The following MEGF6 variants were observed in gnomAD, a reference collection of about 807,000 sequenced individuals.
The protein encoded by MEGF6 is multiple epidermal growth factor-like domains protein 6.
A neutral mutation model predicts 207.1 loss-of-function variants in MEGF6; 184 were observed. The ratio of observed to expected loss-of-function variants is 0.89; its 90% CI spans 0.79 to 1.00. MEGF6 has a LOEUF of 1.00. Among genes scored for constraint, MEGF6 ranks in the 50% least tolerant of loss-of-function variants. The pLI, the probability that MEGF6 is intolerant of heterozygous loss-of-function variation, is 0.00. For synonymous variants in MEGF6, 1,038 were observed against 910.0 expected (o/e 1.14, Z -2.53); for missense variants, 2,282 against 2,202.9 (o/e 1.04, Z -0.72).
intron 21 of MEGF6, 27 bp from the exon 22 acceptor site, chr1:3,499,951 T>A: frequency 6.5e-7 from 1 of 1,538,132 alleles, no homozygotes; most frequent in Middle Eastern, 2.1e-4. Flanking sequence ...CGGCCCACAG[T>A]CAGCCAGAGG....
intron 17 of MEGF6, among the ~76,000 whole-genome samples, chr1:3,503,418 G>A (rs1047974166): frequency 1.3e-5 from 2 of 152,182 alleles, no homozygotes; most frequent in African/African-American, 2.4e-5. Context: ...GTCATCGCCT[G>A]TGGCTTATCC....
chr1:3,535,102 GC>G (rs980956345), intron 4 of MEGF6, among the ~76,000 whole-genome samples: 1 of 152,144 alleles, frequency 6.6e-6, no homozygotes, highest in African/African-American at 2.4e-5. Flanking sequence ...ATGGGCAGAG[GC>G]CTGAATGAGA....
chr1:3,572,183 G>C (rs1209457643), intron 4 of MEGF6, among the ~76,000 whole-genome samples: 2 of 145,322 alleles, frequency 1.4e-5, no homozygotes, highest in African/African-American at 5.2e-5. Context: ...GGGTGTGCTG[G>C]GTCCTCCTGG....
rs1053164549 is a variant in MEGF6, at chr1:3,493,991, C to T, written c.4258+5G>A. 1.4e-5 allele frequency: 22 copies of T among 1,596,776 alleles called. No individual in the cohort carries two copies. The African/African-American group carries it at 2.9e-4, about 21-fold the overall frequency. ...CGGGGGTTCAGGGAGGCACCAAGCA[C>T]TCACCCCTCTCACAGAAGTGGCCGT... On this transcript the variant is annotated splice_donor_5th_base_variant and intron_variant, in intron 33 of 36. Transcript: ENST00000356575.
rs1043506308 is a variant in MEGF6 at position 3,565,538 on chromosome 1, A to G, written c.481+14287T>C. Among the ~76,000 whole-genome samples the G allele has an allele frequency of 6.6e-6, 1 of 152,138 alleles. No individual in the cohort carries two copies. The highest frequency in any genetic ancestry group is 1.5e-5 in the Non-Finnish European group (1 of 68,008). On this transcript the variant is annotated intron_variant, in intron 4 of 36. Transcript: ENST00000356575. The surrounding 1 kb of genome is among the most constrained non-coding windows in gnomAD (Gnocchi z 4.8). Reference sequence around the variant, plus strand: ...GGAGCCTATCGGTGCCTGGCTTGAGAGGAGGACGCTTCGTGCGGGGCTGCC... The same window carrying G: ...GGAGCCTATCGGTGCCTGGCTTGAGGGGAGGACGCTTCGTGCGGGGCTGCC...
chr1:3,498,849 A>G (rs1466724055), intron 24 of MEGF6, 23 bp from the exon 25 acceptor site: 8 of 1,546,120 alleles, frequency 5.2e-6, no homozygotes, highest in Non-Finnish European at 7.0e-6. Flanking sequence ...AAGAGGGAGC[A>G]ACCTGCATCC....
chr1:3,604,118 G>T (rs926695134), intron 1 of MEGF6, among the ~76,000 whole-genome samples: 3 of 152,226 alleles, frequency 2.0e-5, no homozygotes, highest in African/African-American at 7.2e-5. Flanking sequence ...AGGGGCAGAC[G>T]AAGGCTGGGA....
intron 4 of MEGF6, among the ~76,000 whole-genome samples, 195 bp downstream of exon 4, chr1:3,579,630 C>G (rs1236797567): frequency 6.6e-6 from 1 of 152,224 alleles, no homozygotes. Flanking sequence ...TCAGGGTCAC[C>G]CTTCCCCTCG....
At chr1:3,548,226 C>T (rs1046520976) in intron 4 of MEGF6, among the ~76,000 whole-genome samples, 4 of 152,212 alleles carry the variant, frequency 2.6e-5, no homozygotes, top group Admixed American at 6.5e-5. Flanking sequence ...CCCAGACAGA[C>T]GGAACACAGC....
At chr1:3,617,479 A>C in the MEGF6 span, among the ~76,000 whole-genome samples, 6 of 152,024 alleles carry the variant, frequency 3.9e-5, no homozygotes, top group South Asian at 2.1e-4. Context: ...GGGCCTGTGG[A>C]GGGGTGGTGG....
In MEGF6 at chr1:3,499,733, G is replaced by C. The variant is rs1264505645; in HGVS notation, c.2837-17C>G. 6.2e-7 allele frequency: 1 copy of C among 1,601,366 alleles called. No homozygotes were observed. Among genetic ancestry groups the C allele is most frequent in the Non-Finnish European group, 8.5e-7 (1 of 1,175,104 alleles). ...CCGGGCAGGCTGCAGACAGCGGGCAGTGATGTGGAGGGGCCCACACTGGAG... is the reference window on the plus strand; with the variant it reads ...CCGGGCAGGCTGCAGACAGCGGGCACTGATGTGGAGGGGCCCACACTGGAG... On this transcript the variant is annotated splice_polypyrimidine_tract_variant and intron_variant, in intron 22 of 36. Coordinates refer to ENST00000356575, the MANE Select transcript of MEGF6 (RefSeq NM_001409.4).
intron 4 of MEGF6, among the ~76,000 whole-genome samples, chr1:3,563,598 C>A (rs77039417): frequency 6.6e-6 from 1 of 152,178 alleles, no homozygotes; most frequent in Non-Finnish European, 1.5e-5. Context: ...ACTTTGCTGA[C>A]GGACATGGAG....
At chr1:3,605,573 C>T (rs1644236683) in intron 1 of MEGF6, among the ~76,000 whole-genome samples, 1 of 151,984 alleles carries the variant, frequency 6.6e-6, no homozygotes, top group Non-Finnish European at 1.5e-5. Flanking sequence ...CACTCACATA[C>T]ACACACATAC....
rs180747064 is a variant in MEGF6, at chr1:3,549,994, C to T, written c.482-25748G>A. Among the ~76,000 whole-genome samples the T allele has an allele frequency of 4.7e-3, 723 of 152,294 alleles. 12 individuals carry two copies. The South Asian group carries it at 0.057, about 12-fold the overall frequency. ...TCGCCAGCCCCAACCCAGGGGTCCC[C>T]GCTCTCCCCAGAGCTGAAGTGATCG... On this transcript the variant is annotated intron_variant, in intron 4 of 36. Coordinates refer to ENST00000356575, the MANE Select transcript of MEGF6 (RefSeq NM_001409.4).
chr1:3,580,273 G>T (rs1643761539), intron 3 of MEGF6, among the ~76,000 whole-genome samples: 3 of 151,778 alleles, frequency 2.0e-5, no homozygotes, highest in Admixed American at 2.0e-4. Context: ...GGGGGTGCAG[G>T]GGGGAGGGGT....
Position 3,489,187 on chromosome 1 carries a change from C to A in MEGF6, c.*1341G>T, listed in dbSNP as rs1640254064. Among the ~76,000 whole-genome samples, 1 of 152,238 alleles carries A rather than the reference C, an allele frequency of 6.6e-6. No individual in the cohort carries two copies. Among genetic ancestry groups the A allele is most frequent in the Non-Finnish European group, 1.5e-5 (1 of 68,048 alleles). On this transcript the variant is annotated 3_prime_UTR_variant, in exon 37 of 37. Transcript: ENST00000356575. ...ACTGTTCTACTTTAAAGTCTCCCCA[C>A]AGCGGTCCATTCATCAGCTTCCTCT...
intron 4 of MEGF6, among the ~76,000 whole-genome samples, chr1:3,529,084 G>C (rs373011983): frequency 1.3e-5 from 2 of 152,148 alleles, no homozygotes; most frequent in African/African-American, 4.8e-5. Context: ...CCAGGTTCAC[G>C]GGAGCCGCGT....
the MEGF6 span, among the ~76,000 whole-genome samples, chr1:3,620,942 A>T: frequency 6.6e-6 from 1 of 152,208 alleles, no homozygotes; most frequent in Non-Finnish European, 1.5e-5. Context: ...TTGGCAGCTG[A>T]GGCGGAGAGA....
At chr1:3,595,200 T>C (rs1404030213) in intron 3 of MEGF6, 138 bp downstream of exon 3, 1 of 612,986 alleles carries the variant, frequency 1.6e-6, no homozygotes, top group African/African-American at 1.9e-5. Flanking sequence ...CAAACGGCGT[T>C]GCTGAGCGAG....
Sources: gnomAD v4.1 joint callset for allele counts (sites outside exome capture counted in the v4.1 genomes callset) on GRCh38, gnomAD v4.1.1 for gene constraint, Gnocchi (gnomAD v3.1) non-coding constraint, MANE v1.5 for transcripts, NCBI Gene and HGNC (gene_info 2026-07-23, HGNC 2026-07-21) for gene names.